The following BICD1 variants were observed in gnomAD, a reference collection of about 807,000 sequenced individuals.
BICD1 encodes BICD cargo adaptor 1.
BICD1 carries 35 observed loss-of-function variants against 92.5 expected under a neutral mutation model. That is an observed-to-expected ratio of 0.38 (90% CI 0.29 to 0.50). The LOEUF (loss-of-function observed/expected upper bound fraction) is 0.50, where lower values mean the gene tolerates loss of function less well. BICD1 is among the 20% of genes least tolerant of loss of function. BICD1 has a pLI of 0.93. For synonymous variants in BICD1, 429 were observed against 465.1 expected, an observed-to-expected ratio of 0.92 and a Z score of 1.00; for missense variants, 950 against 1,189.8, an observed-to-expected ratio of 0.80 and a Z score of 2.97.
At chr12:32,168,007 C>CGTGTGTGTGTGT (rs10568100) in intron 1 of BICD1, among the ~76,000 whole-genome samples, 1,990 of 149,886 alleles carry the variant, frequency 0.013, 25 homozygotes, top group Middle Eastern at 0.034. Context: ...AAGGAGATGG[C>CGTGTGTGTGTGT]GTGTGTGTGT....
chr12:32,126,864 A>T (rs895626531), intron 1 of BICD1, among the ~76,000 whole-genome samples: 1 of 152,168 alleles, frequency 6.6e-6, no homozygotes, highest in African/African-American at 2.4e-5. Flanking sequence ...TCATCACTTC[A>T]TACCTTGTGG....
chr12:32,146,053 C>T (rs892972988), intron 1 of BICD1, among the ~76,000 whole-genome samples: 1 of 152,136 alleles, frequency 6.6e-6, no homozygotes, highest in African/African-American at 2.4e-5. Flanking sequence ...ATCAAATTTC[C>T]ATATTTATAA....
intron 1 of BICD1, among the ~76,000 whole-genome samples, chr12:32,186,390 GGTAGTGGCCACC>G (rs1335141532): frequency 6.6e-6 from 1 of 152,164 alleles, no homozygotes; most frequent in East Asian, 1.9e-4. Flanking sequence ...GTCACATGTG[GGTAGTGGCCACC>G]GTATTGGACC....
intron 1 of BICD1, among the ~76,000 whole-genome samples, chr12:32,188,724 T>C (rs1457334370): frequency 6.6e-6 from 1 of 151,346 alleles, no homozygotes. Flanking sequence ...GCACTGAATC[T>C]TGAATTCCTT....
At chr12:32,349,065 G>A (rs926588719) in intron 8 of BICD1, among the ~76,000 whole-genome samples, 1 of 152,028 alleles carries the variant, frequency 6.6e-6, no homozygotes, top group Non-Finnish European at 1.5e-5. Context: ...GTTGGGTGCT[G>A]AACAATCTAC....
intron 1 of BICD1, among the ~76,000 whole-genome samples, chr12:32,127,271 A>C (rs2683473): frequency 0.29 from 44,010 of 152,016 alleles, 6,605 homozygotes; most frequent in Admixed American, 0.43. Flanking sequence ...TGAATATCTT[A>C]TGGTTTGACT....
chr12:32,296,522 G>A (rs1331897877), intron 3 of BICD1, among the ~76,000 whole-genome samples: 1 of 152,144 alleles, frequency 6.6e-6, no homozygotes, highest in Non-Finnish European at 1.5e-5. Flanking sequence ...CTCCCAAAGT[G>A]CTGAGATTAT....
chr12:32,326,339 C>T (rs174435), intron 4 of BICD1, among the ~76,000 whole-genome samples: 125,120 of 151,992 alleles, frequency 0.82, 51,678 homozygotes, highest in East Asian at 0.87. Flanking sequence ...TCATAATATT[C>T]ACCCATATGG....
chr12:32,261,360 C>T (rs1227797684), intron 2 of BICD1, among the ~76,000 whole-genome samples: 2 of 152,104 alleles, frequency 1.3e-5, no homozygotes, highest in East Asian at 3.8e-4. Flanking sequence ...AGGGCTGTTC[C>T]GGCTTAGTGC....
At chr12:32,244,372 GT>G (rs984829922) in intron 2 of BICD1, among the ~76,000 whole-genome samples, 1 of 152,042 alleles carries the variant, frequency 6.6e-6, no homozygotes, top group African/African-American at 2.4e-5. Context: ...TCATAGCAAG[GT>G]TTTCATCATT....
chr12:32,222,153 T>C (rs558223090), intron 2 of BICD1, among the ~76,000 whole-genome samples: 3 of 152,330 alleles, frequency 2.0e-5, no homozygotes, highest in Non-Finnish European at 4.4e-5. Context: ...TTACAAAGTA[T>C]ACAAAGCAAT....
intron 1 of BICD1, among the ~76,000 whole-genome samples, chr12:32,146,831 C>CTCCCTCCT (rs1273913250): frequency 6.9e-6 from 1 of 145,806 alleles, no homozygotes; most frequent in Non-Finnish European, 1.5e-5. Context: ...CCCTCCCTCC[C>CTCCCTCCT]TCCCTTCCTT....
At chr12:32,245,605 C>A (rs1946359245) in intron 2 of BICD1, among the ~76,000 whole-genome samples, 1 of 152,212 alleles carries the variant, frequency 6.6e-6, no homozygotes, top group Admixed American at 6.5e-5. Flanking sequence ...TTACGTGCCT[C>A]TCTCTGCCTG....
intron 1 of BICD1, among the ~76,000 whole-genome samples, chr12:32,126,386 T>G (rs1203746184): frequency 6.6e-6 from 1 of 152,016 alleles, no homozygotes; most frequent in Non-Finnish European, 1.5e-5. Context: ...AGGTTGGTCA[T>G]GCCTGCAGCT....
chr12:32,195,514 G>A (rs1460782092), intron 1 of BICD1, among the ~76,000 whole-genome samples: 1 of 152,152 alleles, frequency 6.6e-6, no homozygotes, highest in Non-Finnish European at 1.5e-5. Context: ...AGGGTGCCAA[G>A]AATACACAAT....
intron 1 of BICD1, among the ~76,000 whole-genome samples, chr12:32,145,175 T>G (rs1943066476): frequency 1.3e-5 from 2 of 149,174 alleles, no homozygotes; most frequent in South Asian, 4.2e-4. Context: ...AGGGACAGAA[T>G]AAATAGGAAG....
chr12:32,190,417 A>G (rs977421022), intron 1 of BICD1, among the ~76,000 whole-genome samples: 2 of 152,370 alleles, frequency 1.3e-5, no homozygotes, highest in South Asian at 4.1e-4. Flanking sequence ...TATTCCACGC[A>G]AATAGTAATC....
At chr12:32,342,929 CT>C (rs1414270709) in intron 8 of BICD1, among the ~76,000 whole-genome samples, 4 of 152,310 alleles carry the variant, frequency 2.6e-5, no homozygotes, top group Admixed American at 6.5e-5. Flanking sequence ...ATGCATTATA[CT>C]GATCGGTTTG....
chr12:32,172,789 T>G (rs1486117381), intron 1 of BICD1, among the ~76,000 whole-genome samples: 3 of 152,216 alleles, frequency 2.0e-5, no homozygotes, highest in African/African-American at 7.2e-5. Flanking sequence ...GATCCACTGC[T>G]AAATAAGACT....
Sources: allele counts gnomAD v4.1 joint callset (sites outside exome capture counted in the v4.1 genomes callset), GRCh38; gene constraint gnomAD v4.1.1; transcripts MANE v1.5; gene names NCBI Gene and HGNC (gene_info 2026-07-23, HGNC 2026-07-21).